The following MYADML2 variants were observed in gnomAD, a reference collection of about 807,000 sequenced individuals.
The protein encoded by MYADML2 is myeloid associated differentiation marker like 2, also known as myeloid-associated differentiation marker-like protein 2.
Under a neutral mutation model 16.0 loss-of-function variants are expected in MYADML2, and 17 were observed. That is an observed-to-expected ratio of 1.06 (90% confidence interval 0.73 to 1.60). The LOEUF is 1.60. MYADML2 is among the 40% of genes most tolerant of loss of function. The pLI is 0.00. For synonymous variants in MYADML2, 210 were observed against 208.1 expected, an observed-to-expected ratio of 1.01 and a Z score of -0.08; for missense variants, 422 against 437.7, an observed-to-expected ratio of 0.96 and a Z score of 0.32.
chr17:81,946,151 T>C (rs2041342725), intron 1 of MYADML2, among the ~76,000 whole-genome samples: 1 of 149,340 alleles, frequency 6.7e-6, no homozygotes, highest in Non-Finnish European at 1.5e-5. Flanking sequence ...GGTCAGGAGT[T>C]TGAGACCAGC....
At position 81,940,677 on chromosome 17, in the gene MYADML2, C is replaced by T. The variant is rs1439660741; in HGVS notation, c.*141G>A. 4 of 929,674 alleles carry T rather than the reference C, an allele frequency of 4.3e-6. No homozygotes were observed. The highest frequency in any genetic ancestry group is 6.3e-6 in the Non-Finnish European group (4 of 636,112). The allele number at this position is 929,674 out of a possible 1,614,324, so 57.6% of individuals were successfully genotyped here. Reference sequence around the variant, plus strand: ...GCCCAGTCTGGAAGTCGGGGAGTGACCTCTCCCGTTGTACTTCATCTCCCC... The same window carrying T: ...GCCCAGTCTGGAAGTCGGGGAGTGATCTCTCCCGTTGTACTTCATCTCCCC... On this transcript the variant is annotated 3_prime_UTR_variant, in exon 3 of 3. Transcript: ENST00000409745.
chr17:81,945,286 T>TC (rs1302851362), intron 1 of MYADML2, among the ~76,000 whole-genome samples: 1 of 151,194 alleles, frequency 6.6e-6, no homozygotes, highest in African/African-American at 2.4e-5. Context: ...ACACCTGTAA[T>TC]CCCAGCACTT....
rs531681445 is a variant in MYADML2, at chr17:81,941,863, G to A, written c.-102-20C>T. On this transcript the variant is annotated intron_variant, in intron 2 of 2. Coordinates refer to ENST00000409745, the MANE Select transcript of MYADML2 (RefSeq NM_001145113.3). ...TGCAGCCTGCAGAGGCAGTGACGAC[G>A]GTGACATTGCAGCAGGGCAGCCTCT... 33 of 979,908 alleles carry A rather than the reference G, an allele frequency of 3.4e-5. No homozygotes were observed. The highest frequency in any genetic ancestry group is 1.8e-4 in the South Asian group (10 of 54,878). The allele number at this position is 979,908 out of a possible 1,614,324, so 60.7% of individuals were successfully genotyped here.
At chr17:81,944,628 G>A (rs985381075) in intron 1 of MYADML2, among the ~76,000 whole-genome samples, 1 of 152,122 alleles carries the variant, frequency 6.6e-6, no homozygotes. Flanking sequence ...TGACAGGAGC[G>A]TCTTTTGTTC....
chr17:81,946,282 A>G (rs1373208319), intron 1 of MYADML2, among the ~76,000 whole-genome samples: 1 of 149,418 alleles, frequency 6.7e-6, no homozygotes, highest in East Asian at 2.0e-4. Context: ...TTGAACCCGG[A>G]AGGCAGAGGT....
chr17:81,946,545 G>A (rs945153759), intron 1 of MYADML2, among the ~76,000 whole-genome samples: 1 of 151,962 alleles, frequency 6.6e-6, no homozygotes, highest in African/African-American at 2.4e-5. Flanking sequence ...CTACTCGGGA[G>A]GCTGAGACAG....
chr17:81,946,603 G>C (rs941372621), intron 1 of MYADML2, among the ~76,000 whole-genome samples: 2 of 151,578 alleles, frequency 1.3e-5, no homozygotes, highest in Non-Finnish European at 2.9e-5. Context: ...AGCCGAGATC[G>C]CGCCACTGCA....
chr17:81,945,344 C>A (rs1024103233), intron 1 of MYADML2, among the ~76,000 whole-genome samples: 15 of 152,024 alleles, frequency 9.9e-5, no homozygotes, highest in Non-Finnish European at 1.6e-4. Flanking sequence ...TCGAGACCAT[C>A]CTGGCTAACA....
Position 81,941,777 on chromosome 17 carries a change from A to G in MYADML2, c.-36T>C. Reference sequence around the variant, plus strand: ...ACGTTTCCAGCTCACACAGTCCCCCAAGGCCCTGGGGTCCCTGCTGGGCCA... The same window carrying G: ...ACGTTTCCAGCTCACACAGTCCCCCGAGGCCCTGGGGTCCCTGCTGGGCCA... On this transcript the variant is annotated 5_prime_UTR_variant, in exon 3 of 3. Transcript: ENST00000409745. 6.8e-7 allele frequency: 1 copy of G among 1,471,230 alleles called. No homozygotes were observed. The highest frequency in any genetic ancestry group is 9.0e-7 in the Non-Finnish European group (1 of 1,107,096). The allele number at this position is 1,471,230 out of a possible 1,614,324, so 91.1% of individuals were successfully genotyped here.
At chr17:81,946,124 G>A (rs1201802660) in intron 1 of MYADML2, among the ~76,000 whole-genome samples, 1 of 152,048 alleles carries the variant, frequency 6.6e-6, no homozygotes, top group Non-Finnish European at 1.5e-5. Context: ...AGAGGCTGAG[G>A]CAGGCAGATC....
chr17:81,945,514 G>A (rs1428531320), intron 1 of MYADML2, among the ~76,000 whole-genome samples: 3 of 151,792 alleles, frequency 2.0e-5, no homozygotes, highest in Non-Finnish European at 4.4e-5. Flanking sequence ...ACTCCAGCCT[G>A]GGCAACAGAG....
chr17:81,940,947 G>T lies in MYADML2; in HGVS notation c.795C>A (p.Pro265=), dbSNP rs755292173. 24 of 1,550,446 alleles carry T rather than the reference G, an allele frequency of 1.5e-5. No individual in the cohort carries two copies. Among genetic ancestry groups the T allele is most frequent in the Middle Eastern group, 1.7e-4 (1 of 6,012 alleles). ...DPKYGEPKRP[P]NCARGSCPWD... is the part of the protein sequence containing the mutation. ...AGGGACAGCTGCCCCGAGCACAGTT[G>T]GGGGGCCGTTTGGGCTCACCGTACT... is the stretch of plus-strand genomic sequence containing the variant. The change falls in exon 3 of 3, where the codon CCC becomes CCA. Residue 265 remains proline, a synonymous_variant. Transcript: ENST00000409745.
chr17:81,946,637 G>C (rs1008773672), intron 1 of MYADML2, among the ~76,000 whole-genome samples: 3 of 151,952 alleles, frequency 2.0e-5, no homozygotes, highest in Admixed American at 2.0e-4. Context: ...AACAGAGCAA[G>C]ACTCCGTCTC....
At position 81,941,256 on chromosome 17, in the gene MYADML2, C is replaced by T. The variant is rs1042489576; in HGVS notation, c.486G>A (p.Thr162=). The T allele has an allele frequency of 3.8e-5, 59 of 1,550,110 alleles. No homozygotes were observed. The highest frequency in any genetic ancestry group is 3.3e-4 in the Middle Eastern group (2 of 5,990). ...GGACGATCTTGAGGAGCCCCGACAC[C>T]GTGGCCATATAGCTGCTCACCTGGC... The part of the protein sequence containing the change: ...RPGQVSSYMA[T]VSGLLKIVQA... The change falls in exon 3 of 3, where the codon ACG becomes ACA. Residue 162 remains threonine (T), a synonymous_variant. Coordinates refer to ENST00000409745, the MANE Select transcript of MYADML2 (RefSeq NM_001145113.3).
At chr17:81,945,262 G>A (rs1162499513) in intron 1 of MYADML2, among the ~76,000 whole-genome samples, 1 of 151,940 alleles carries the variant, frequency 6.6e-6, no homozygotes, top group Admixed American at 6.6e-5. Flanking sequence ...ACAATTGGCT[G>A]GGTGCGGTGG....
At chr17:81,945,532 C>G (rs1311902507) in intron 1 of MYADML2, among the ~76,000 whole-genome samples, 1 of 150,652 alleles carries the variant, frequency 6.6e-6, no homozygotes, top group East Asian at 1.9e-4. Flanking sequence ...GAGCAAGACT[C>G]TGTCTCAAAA....
At position 81,941,590 on chromosome 17, in the gene MYADML2, C is replaced by T. The variant is rs1429860292; in HGVS notation, c.152G>A (p.Gly51Asp). The stretch of plus-strand genomic sequence containing the variant: ...GCCCCAGGCGGCCATGCAGAAGGTG[C>T]CCTGGACGCCCGCAAAGCCACCCCG... ...AHRGGFAGVQ[G>D]TFCMAAWGFC... The change falls in exon 3 of 3, where the codon GGC becomes GAC. Residue 51 changes from glycine to aspartate, a missense_variant. Transcript: ENST00000409745. The T allele has an allele frequency of 1.9e-6, 3 of 1,548,394 alleles. No homozygotes were observed. The highest frequency in any genetic ancestry group is 1.7e-6 in the Non-Finnish European group (2 of 1,146,822).
At position 81,941,345 on chromosome 17, in the gene MYADML2, C is replaced by T. The variant is rs2041301686; in HGVS notation, c.397G>A (p.Val133Ile). 1 of 1,548,968 alleles carries T rather than the reference C, an allele frequency of 6.5e-7. No individual in the cohort carries two copies. The highest frequency in any genetic ancestry group is 8.7e-7 in the Non-Finnish European group (1 of 1,146,268). ...AARDFRLAAS[V>I]FAGLLFLAYA... ...GCCAGGAAGAGGAGCCCGGCGAAGACACTGGCTGCCAGGCGGAAGTCCCTG... is the reference window on the plus strand; with the variant it reads ...GCCAGGAAGAGGAGCCCGGCGAAGATACTGGCTGCCAGGCGGAAGTCCCTG... Residue 133 changes from valine (V) to isoleucine (I), a missense_variant, in exon 3 of 3, where the codon GTC becomes ATC. Physicochemically the swap from Val to Ile is conservative, Grantham distance 29 (BLOSUM62 3). Transcript: ENST00000409745.
intron 1 of MYADML2, among the ~76,000 whole-genome samples, chr17:81,944,505 TG>T (rs1567934006): frequency 6.6e-6 from 1 of 152,214 alleles, no homozygotes; most frequent in African/African-American, 2.4e-5. Context: ...TCTTTTATTG[TG>T]GTATTTGGTC....
Sources: gnomAD v4.1 joint callset for allele counts (sites outside exome capture counted in the v4.1 genomes callset) on GRCh38, gnomAD v4.1.1 for gene constraint, MANE v1.5 for transcripts, NCBI Gene and HGNC (gene_info 2026-07-23, HGNC 2026-07-21) for gene names.